WFS1: variants seen among roughly 807,000 people sequenced by gnomAD.
The protein encoded by WFS1 is wolframin.
In WFS1, 90 loss-of-function variants were observed where a neutral mutation model predicts 68.5. The observed-to-expected ratio is 1.31, with a 90% CI of 1.11 to 1.56. The LOEUF is 1.56. Ranked by LOEUF, WFS1 falls within the 40% of genes most tolerant of loss-of-function variation. The pLI is 0.00. For missense variants in WFS1, 1,767 were observed against 1,232.6 expected (o/e 1.43, Z -6.49); for synonymous variants, 860 against 540.7 (o/e 1.59, Z -8.19).
chr4:6,302,450 A>C lies in WFS1; in HGVS notation c.2655A>C (p.Pro885=), dbSNP rs1317914164. Reference sequence around the variant, plus strand: ...TCGCCTTCGACTTCTTTTTCTTCCCATTCCTGTCGGCGGCCTGAGGATGGT... The same window carrying C: ...TCGCCTTCGACTTCTTTTTCTTCCCCTTCCTGTCGGCGGCCTGAGGATGGT... ...VKFAFDFFFF[P]FLSAA Residue 885 remains proline (P), a synonymous_variant, in exon 8 of 8, where the codon CCA becomes CCC. Coordinates refer to ENST00000226760, the MANE Select transcript of WFS1 (RefSeq NM_006005.3). 1 of 1,612,990 alleles carries C rather than the reference A, an allele frequency of 6.2e-7. No individual in the cohort carries two copies. Among genetic ancestry groups the C allele is most frequent in the South Asian group, 1.1e-5 (1 of 91,086 alleles).
At chr4:6,272,361 T>TG (rs1729866880) in intron 1 of WFS1, among the ~76,000 whole-genome samples, 3 of 152,238 alleles carry the variant, frequency 2.0e-5, no homozygotes, top group Non-Finnish European at 4.4e-5. Context: ...GAATGCTGCT[T>TG]GGGGCAGTCC....
At chr4:6,270,386 C>T (rs1417205870) in intron 1 of WFS1, among the ~76,000 whole-genome samples, 2 of 151,848 alleles carry the variant, frequency 1.3e-5, no homozygotes, top group African/African-American at 2.4e-5. Flanking sequence ...TCATGCCCCT[C>T]CCCCGCGGTC....
At position 6,277,536 on chromosome 4, in the gene WFS1, C is replaced by T. The variant is rs777168956; in HGVS notation, c.81C>T (p.Leu27=). 1.3e-6 allele frequency: 2 copies of T among 1,589,036 alleles called. No homozygotes were observed. The highest frequency in any genetic ancestry group is 1.7e-6 in the Non-Finnish European group (2 of 1,168,434). Residue 27 remains leucine, a synonymous_variant, in exon 2 of 8, where the codon CTC becomes CTT. Transcript: ENST00000226760. The part of the protein sequence containing the change: ...PAPQPQARSR[L]NATASLEQER... ...CGCAGCCCCAGGCGCGTTCCCGACT[C>T]AATGCCACAGCCTCGTTGGAGCAGG...
At chr4:6,289,452 G>A (rs1401093665) in intron 4 of WFS1, among the ~76,000 whole-genome samples, 4 of 152,240 alleles carry the variant, frequency 2.6e-5, no homozygotes, top group African/African-American at 9.6e-5. Context: ...CAGTTTCCCT[G>A]AGGCAAAGCT....
chr4:6,270,911 G>A (rs1279788648), intron 1 of WFS1, among the ~76,000 whole-genome samples: 1 of 152,214 alleles, frequency 6.6e-6, no homozygotes, highest in Admixed American at 6.5e-5. Flanking sequence ...CCAGGACCAC[G>A]AAGCTGATGG....
At chr4:6,282,558 T>TA (rs1730199497) in intron 2 of WFS1, among the ~76,000 whole-genome samples, 1 of 152,154 alleles carries the variant, frequency 6.6e-6, no homozygotes, top group Admixed American at 6.5e-5. Flanking sequence ...ATCGCACTCT[T>TA]AAGAGCATTT....
At chr4:6,274,282 T>C (rs958446713) in intron 1 of WFS1, among the ~76,000 whole-genome samples, 3 of 151,950 alleles carry the variant, frequency 2.0e-5, no homozygotes, top group African/African-American at 7.2e-5. Flanking sequence ...CTCCTGACCT[T>C]GTGATCTGCC....
At chr4:6,300,506 GA>G in intron 7 of WFS1, 150 bp from the exon 8 acceptor site, 1 of 1,201,382 alleles carries the variant, frequency 8.3e-7, no homozygotes, top group Admixed American at 2.0e-5. Context: ...GAGAAGGGGG[GA>G]GGGAGGACCA....
chr4:6,270,391 G>A (rs536750792), intron 1 of WFS1, among the ~76,000 whole-genome samples: 1 of 140,196 alleles, frequency 7.1e-6, no homozygotes, highest in East Asian at 2.4e-4. Context: ...CCCCTCCCCC[G>A]CGGTCCCGGG....
At chr4:6,286,197 T>C (rs1001513593) in intron 2 of WFS1, among the ~76,000 whole-genome samples, 1 of 152,168 alleles carries the variant, frequency 6.6e-6, no homozygotes, top group African/African-American at 2.4e-5. Flanking sequence ...TCCACTGCTG[T>C]GGACTGAAAG....
chr4:6,302,564 G>A lies in WFS1; in HGVS notation c.*96G>A, dbSNP rs1401695381. ...ACAGGCATGCACCAGTGCCGCCTGT[G>A]CCCACGTGTGCAGACTGTGGCTGCA... On this transcript the variant is annotated 3_prime_UTR_variant, in exon 8 of 8. Transcript: ENST00000226760. The A allele has an allele frequency of 1.3e-6, 2 of 1,549,160 alleles. No individual in the cohort carries two copies. Among genetic ancestry groups the A allele is most frequent in the Non-Finnish European group, 1.7e-6 (2 of 1,145,416 alleles).
chr4:6,269,984 G>T lies in WFS1; in HGVS notation c.-36G>T, dbSNP rs1729752583. ...GCCGGCCCAGAGGCCCCAGGGCGTC[G>T]CAGCGCCGCGTGCGGCCCACTCACG... is the stretch of plus-strand genomic sequence containing the variant. On this transcript the variant is annotated 5_prime_UTR_variant, in exon 1 of 8. Coordinates refer to ENST00000226760, the MANE Select transcript of WFS1 (RefSeq NM_006005.3). 6.6e-6 allele frequency: 1 copy of T among 152,210 alleles called. No individual in the cohort carries two copies. The highest frequency in any genetic ancestry group is 2.1e-4 in the South Asian group (1 of 4,836). 9.4% of individuals were successfully genotyped at this position (152,210 alleles called of 1,614,324 possible).
chr4:6,275,203 C>T (rs1041165152), intron 1 of WFS1, among the ~76,000 whole-genome samples: 1 of 152,132 alleles, frequency 6.6e-6, no homozygotes, highest in Non-Finnish European at 1.5e-5. Flanking sequence ...GTAAAGGTGC[C>T]CTCTCTCTCT....
rs550618792 is a variant in WFS1 at position 6,294,566 on chromosome 4, A to C, written c.713-475A>C. ...GTAGGCCCTGGGTGGATCACGTTGA[A>C]TGGAGGGGTTGGGGGCGCAGATCAT... On this transcript the variant is annotated intron_variant, in intron 6 of 7. Transcript: ENST00000226760. Among the ~76,000 whole-genome samples the C allele has an allele frequency of 1.4e-4, 22 of 152,116 alleles. No individual in the cohort carries two copies. The East Asian group carries it at 4.3e-3, about 30-fold the overall frequency.
intron 1 of WFS1, among the ~76,000 whole-genome samples, chr4:6,276,904 C>T (rs1030221243): frequency 2.6e-5 from 4 of 152,236 alleles, no homozygotes; most frequent in African/African-American, 4.8e-5. Context: ...CACCCGTCTC[C>T]GCATGGCTCT....
At chr4:6,295,228 C>T (rs987956404) in intron 7 of WFS1, 39 bp downstream of exon 7, 8 of 1,608,798 alleles carry the variant, frequency 5.0e-6, no homozygotes, top group Non-Finnish European at 6.8e-6. Flanking sequence ...GAGCCTGCCT[C>T]CCAAGGACTC....
intron 1 of WFS1, among the ~76,000 whole-genome samples, chr4:6,275,750 G>A (rs1729975977): frequency 1.3e-5 from 2 of 151,876 alleles, no homozygotes; most frequent in Non-Finnish European, 2.9e-5. Flanking sequence ...CATTTGCAGC[G>A]GGAATGGAGC....
At chr4:6,296,174 C>T (rs183961158) in intron 7 of WFS1, among the ~76,000 whole-genome samples, 32 of 152,316 alleles carry the variant, frequency 2.1e-4, no homozygotes, top group African/African-American at 6.3e-4. Context: ...GAAAGGTCAC[C>T]GTCCTCGAGC....
intron 2 of WFS1, among the ~76,000 whole-genome samples, chr4:6,278,345 G>A (rs750273517): frequency 1.9e-4 from 29 of 152,148 alleles, no homozygotes; most frequent in African/African-American, 5.6e-4. Context: ...AGGGGAGTCC[G>A]GCCCCTGGGC....
Sources: gnomAD v4.1 joint callset for allele counts (sites outside exome capture counted in the v4.1 genomes callset) on GRCh38, gnomAD v4.1.1 for gene constraint, MANE v1.5 for transcripts, NCBI Gene and HGNC (gene_info 2026-07-23, HGNC 2026-07-21) for gene names.